BASP1: variants seen among roughly 807,000 people sequenced by gnomAD.
BASP1 encodes brain acid soluble protein 1.
Under a neutral mutation model 2.2 loss-of-function variants are expected in BASP1, and 1 was observed. The observed-to-expected ratio is 0.46, with a 90% CI of 0.16 to 2.17. The LOEUF (loss-of-function observed/expected upper bound fraction) is 2.17. BASP1 is among the 30% of genes most tolerant of loss of function. BASP1 has a pLI of 0.27. For missense variants in BASP1, 352 were observed against 327.2 expected (o/e 1.08, Z -0.58); for synonymous variants, 187 against 154.2 (o/e 1.21, Z -1.58).
chr5:17,235,713 A>G (rs183080747), intron 1 of BASP1, among the ~76,000 whole-genome samples: 2 of 152,328 alleles, frequency 1.3e-5, no homozygotes, highest in African/African-American at 4.8e-5. Flanking sequence ...GATGTTTTTT[A>G]AAATGAAATC....
chr5:17,266,149 T>C (rs1049690607), intron 1 of BASP1, among the ~76,000 whole-genome samples: 2 of 152,214 alleles, frequency 1.3e-5, no homozygotes, highest in African/African-American at 4.8e-5. Flanking sequence ...ATTTAAATCC[T>C]ACAGTGCGGG....
intron 1 of BASP1, among the ~76,000 whole-genome samples, chr5:17,255,871 G>A (rs1740200264): frequency 1.3e-5 from 2 of 152,112 alleles, no homozygotes; most frequent in East Asian, 1.9e-4. Flanking sequence ...GACTAATGCT[G>A]TCACCAGTAT....
chr5:17,235,165 C>T (rs916664377), intron 1 of BASP1, among the ~76,000 whole-genome samples: 10 of 152,138 alleles, frequency 6.6e-5, no homozygotes, highest in Admixed American at 5.9e-4. Flanking sequence ...GTGTCTTCTG[C>T]TGGGGCTCTC....
rs144371326 is a variant in BASP1, at chr5:17,251,354, T to G, written c.-9-23854T>G. On this transcript the variant is annotated intron_variant, in intron 1 of 1. Transcript: ENST00000322611. The surrounding 1 kb of genome is among the most constrained non-coding windows in gnomAD (Gnocchi z 4.0). ...ATTAAACATCCCAAATACCCTGATT[T>G]TATTATTACACATTGTATACAAGTA... Among the ~76,000 whole-genome samples the G allele has an allele frequency of 1.6e-4, 25 of 152,292 alleles. No individual in the cohort carries two copies. In the East Asian group the frequency reaches 3.3e-3, roughly 20 times the overall value.
At chr5:17,241,310 G>T (rs909918517) in intron 1 of BASP1, among the ~76,000 whole-genome samples, 1 of 152,070 alleles carries the variant, frequency 6.6e-6, no homozygotes, top group Non-Finnish European at 1.5e-5. Context: ...ATGTTGGCCA[G>T]GATGGTCTTG....
intron 1 of BASP1, among the ~76,000 whole-genome samples, chr5:17,255,876 C>T (rs1740200377): frequency 6.6e-6 from 1 of 152,122 alleles, no homozygotes; most frequent in Non-Finnish European, 1.5e-5. Flanking sequence ...ATGCTGTCAC[C>T]AGTATATTTC....
intron 1 of BASP1, among the ~76,000 whole-genome samples, chr5:17,244,393 C>G (rs1739934431): frequency 6.6e-6 from 1 of 152,148 alleles, no homozygotes; most frequent in Non-Finnish European, 1.5e-5. Context: ...AAAACAGATT[C>G]CTTAAGGATC....
chr5:17,244,069 T>G (rs1231262535), intron 1 of BASP1, among the ~76,000 whole-genome samples: 1 of 152,272 alleles, frequency 6.6e-6, no homozygotes, highest in Non-Finnish European at 1.5e-5. Flanking sequence ...GGAAGATAAC[T>G]TTTAATTTGG....
Position 17,236,564 on chromosome 5 carries a change from C to T in BASP1, c.-10+18754C>T, listed in dbSNP as rs185741166. 3.3e-5 allele frequency among the ~76,000 whole-genome samples: 5 copies of T among 152,252 alleles called. No individual in the cohort carries two copies. Among genetic ancestry groups the T allele is most frequent in the East Asian group, 1.9e-4 (1 of 5,182 alleles). ...ACAGGCGTGAGCCACCGCGCTCGGC[C>T]GAGAGCTAGTTTCCTGATTGATAAA... On this transcript the variant is annotated intron_variant, in intron 1 of 1. Coordinates refer to ENST00000322611, the MANE Select transcript of BASP1 (RefSeq NM_006317.5). This position sits in a 1 kb window ranked among gnomAD's most constrained non-coding sequence, Gnocchi z 4.0.
Position 17,275,300 on chromosome 5 carries a change from C to T in BASP1, c.84C>T (p.Gly28=), listed in dbSNP as rs773694106. 5.6e-6 allele frequency: 9 copies of T among 1,613,884 alleles called. No homozygotes were observed. Among genetic ancestry groups the T allele is most frequent in the South Asian group, 3.3e-5 (3 of 91,066 alleles). The change falls in exon 2 of 2, where the codon GGC becomes GGT. Residue 28 remains glycine (G), a synonymous_variant. Coordinates refer to ENST00000322611, the MANE Select transcript of BASP1 (RefSeq NM_006317.5). The surrounding 1 kb of genome is among the most constrained non-coding windows in gnomAD (Gnocchi z 5.3). ...AGGAGAAAGACAAGAAGGCCGAGGG[C>T]GCGGCGACGGAAGAGGAGGGGACCC... ...KAKEKDKKAE[G]AATEEEGTPK... is the part of the protein sequence containing the mutation.
Position 17,260,498 on chromosome 5 carries a change from C to T in BASP1, c.-9-14710C>T, listed in dbSNP as rs1385845627. Reference sequence around the variant, plus strand: ...TGGTCTTTAATTATGTGCTGAGTCCCGGTGGCAGAGAGTTTGTGATCATGG... The same window carrying T: ...TGGTCTTTAATTATGTGCTGAGTCCTGGTGGCAGAGAGTTTGTGATCATGG... On this transcript the variant is annotated intron_variant, in intron 1 of 1. Transcript: ENST00000322611. The surrounding 1 kb of genome is among the most constrained non-coding windows in gnomAD (Gnocchi z 4.2). 2.6e-5 allele frequency among the ~76,000 whole-genome samples: 4 copies of T among 152,056 alleles called. No individual in the cohort carries two copies. The highest frequency in any genetic ancestry group is 6.6e-5 in the Admixed American group (1 of 15,266).
At position 17,275,578 on chromosome 5, in the gene BASP1, A is replaced by G. The variant is rs1017593417; in HGVS notation, c.362A>G (p.Lys121Arg). Reference sequence around the variant, plus strand: ...CCCGCTGCGGGCGGCGAGGCCCCCAAAGCTGCTGAGGCCGCCGCGGCCCCG... The same window carrying G: ...CCCGCTGCGGGCGGCGAGGCCCCCAGAGCTGCTGAGGCCGCCGCGGCCCCG... ...PGPAAGGEAP[K>R]AAEAAAAPAE... Residue 121 changes from lysine (K) to arginine (R), a missense_variant, in exon 2 of 2, where the codon AAA (lysine) becomes AGA (arginine). Transcript: ENST00000322611. The surrounding 1 kb of genome is among the most constrained non-coding windows in gnomAD (Gnocchi z 5.3). 6 of 1,408,934 alleles carry G rather than the reference A, an allele frequency of 4.3e-6. No individual in the cohort carries two copies. Among genetic ancestry groups the G allele is most frequent in the South Asian group, 3.2e-5 (2 of 62,952 alleles). 87.3% of individuals were successfully genotyped at this position (1,408,934 alleles called of 1,614,324 possible).
At chr5:17,232,207 C>G (rs375089776) in intron 1 of BASP1, among the ~76,000 whole-genome samples, 1 of 152,160 alleles carries the variant, frequency 6.6e-6, no homozygotes, top group East Asian at 1.9e-4. Flanking sequence ...ATTGTGGGAA[C>G]CTTTCAGAAA....
intron 1 of BASP1, among the ~76,000 whole-genome samples, chr5:17,269,296 G>C (rs1348555377): frequency 6.6e-6 from 1 of 152,246 alleles, no homozygotes; most frequent in African/African-American, 2.4e-5. Flanking sequence ...TGTCAGGACT[G>C]AGTGTGTAGT....
chr5:17,228,321 A>G (rs1203017785), intron 1 of BASP1, among the ~76,000 whole-genome samples: 13 of 152,356 alleles, frequency 8.5e-5, no homozygotes, highest in Admixed American at 2.0e-4. Context: ...ACTGACCACA[A>G]TGCAGAGAGA....
chr5:17,238,302 GTTTT>G (rs570903107), intron 1 of BASP1, among the ~76,000 whole-genome samples: 1 of 147,746 alleles, frequency 6.8e-6, no homozygotes, highest in South Asian at 2.2e-4. Flanking sequence ...GGCTATCTGA[GTTTT>G]TTTTTTATCG....
intron 1 of BASP1, among the ~76,000 whole-genome samples, chr5:17,241,566 A>G (rs551136443): frequency 6.6e-6 from 1 of 152,362 alleles, no homozygotes; most frequent in South Asian, 2.1e-4. Flanking sequence ...TGCTGGAAGC[A>G]TATCAGTCAA....
At chr5:17,265,136 G>A (rs1298872451) in intron 1 of BASP1, among the ~76,000 whole-genome samples, 1 of 152,114 alleles carries the variant, frequency 6.6e-6, no homozygotes, top group East Asian at 1.9e-4. Flanking sequence ...AAATCTAATT[G>A]GAGATATCAT....
chr5:17,238,975 C>T (rs1242289332), intron 1 of BASP1, among the ~76,000 whole-genome samples: 2 of 152,232 alleles, frequency 1.3e-5, no homozygotes, highest in African/African-American at 2.4e-5. Context: ...CTCATGTTAG[C>T]CCTGTAAGAA....
Sources: gnomAD v4.1 joint callset for allele counts (sites outside exome capture counted in the v4.1 genomes callset) on GRCh38, gnomAD v4.1.1 for gene constraint, Gnocchi (gnomAD v3.1) non-coding constraint, MANE v1.5 for transcripts, NCBI Gene and HGNC (gene_info 2026-07-23, HGNC 2026-07-21) for gene names.